Variants in CERS3 observed in about 807,000 individuals in gnomAD.
CERS3 encodes ceramide synthase 3, also known as LAG1 homolog, ceramide synthase 3.
In CERS3, 33 loss-of-function variants were observed where a neutral mutation model predicts 50.3. The observed-to-expected ratio is 0.66, with a 90% confidence interval of 0.50 to 0.88. The LOEUF (loss-of-function observed/expected upper bound fraction) is 0.88. Among genes scored for constraint, CERS3 ranks in the 40% least tolerant of loss-of-function variants. The pLI is 0.00. For missense variants in CERS3, 470 were observed against 460.3 expected, an observed-to-expected ratio of 1.02 and a Z score of -0.19; for synonymous variants, 176 against 155.2, an observed-to-expected ratio of 1.13 and a Z score of -0.99.
At chr15:100,540,148 G>A (rs773908867) in intron 1 of CERS3, among the ~76,000 whole-genome samples, 2 of 152,150 alleles carry the variant, frequency 1.3e-5, no homozygotes, top group African/African-American at 2.4e-5. Flanking sequence ...CCCTTTGGTT[G>A]AGCCCACTGG....
chr15:100,440,105 C>A (rs2033612865), intron 11 of CERS3, among the ~76,000 whole-genome samples: 1 of 152,206 alleles, frequency 6.6e-6, no homozygotes, highest in Admixed American at 6.5e-5. Context: ...GGGACAGGAG[C>A]TTCTGGAAGG....
chr15:100,481,596 C>A (rs377267480), intron 5 of CERS3, among the ~76,000 whole-genome samples: 1 of 152,256 alleles, frequency 6.6e-6, no homozygotes, highest in Non-Finnish European at 1.5e-5. Flanking sequence ...CACGGTGCTG[C>A]GCACACATGC....
chr15:100,423,020 G>A (rs931138971), intron 11 of CERS3, among the ~76,000 whole-genome samples: 1 of 150,474 alleles, frequency 6.6e-6, no homozygotes, highest in Non-Finnish European at 1.5e-5. Flanking sequence ...ACACCAGCAT[G>A]GCACATGTAT....
intron 11 of CERS3, among the ~76,000 whole-genome samples, chr15:100,404,391 A>T (rs1427626560): frequency 2.0e-5 from 3 of 152,248 alleles, no homozygotes; most frequent in Non-Finnish European, 4.4e-5. Flanking sequence ...CTAGGTATAC[A>T]TCTAACAAAC....
intron 11 of CERS3, among the ~76,000 whole-genome samples, chr15:100,418,581 C>G (rs1289762878): frequency 7.0e-6 from 1 of 143,038 alleles, no homozygotes; most frequent in Non-Finnish European, 1.5e-5. Context: ...ATACAGAGAA[C>G]GCCACAAAGA....
intron 11 of CERS3, among the ~76,000 whole-genome samples, chr15:100,447,281 T>C (rs142319272): frequency 6.6e-6 from 1 of 152,352 alleles, no homozygotes; most frequent in Admixed American, 6.5e-5. Context: ...TCAGCTCTTA[T>C]CTAATGAGTT....
At chr15:100,421,336 G>A (rs1567600845) in intron 11 of CERS3, among the ~76,000 whole-genome samples, 1 of 150,408 alleles carries the variant, frequency 6.6e-6, no homozygotes, top group Admixed American at 6.6e-5. Flanking sequence ...ATTCACAATT[G>A]CTTCAAAGAG....
chr15:100,516,165 C>T (rs2036482062), intron 2 of CERS3, among the ~76,000 whole-genome samples: 1 of 152,186 alleles, frequency 6.6e-6, no homozygotes, highest in Non-Finnish European at 1.5e-5. Context: ...TTCCCATCAA[C>T]TCATCCGGTT....
At chr15:100,450,762 C>G (rs2034132062) in intron 11 of CERS3, among the ~76,000 whole-genome samples, 1 of 152,122 alleles carries the variant, frequency 6.6e-6, no homozygotes, top group Non-Finnish European at 1.5e-5. Context: ...TATAGTCAAA[C>G]TGTTGGAAGT....
chr15:100,471,450 T>C (rs1236062359), intron 9 of CERS3, among the ~76,000 whole-genome samples: 2 of 152,118 alleles, frequency 1.3e-5, no homozygotes, highest in Non-Finnish European at 2.9e-5. Context: ...ATTCCCAGGG[T>C]GAACATCTAA....
chr15:100,420,581 A>G (rs1414048731), intron 11 of CERS3, among the ~76,000 whole-genome samples: 1 of 152,060 alleles, frequency 6.6e-6, no homozygotes, highest in Non-Finnish European at 1.5e-5. Flanking sequence ...AACTCATTTT[A>G]TGAGGCCAGC....
chr15:100,493,203 C>T (rs1056162687), intron 3 of CERS3, among the ~76,000 whole-genome samples: 1 of 152,182 alleles, frequency 6.6e-6, no homozygotes, highest in Admixed American at 6.5e-5. Flanking sequence ...ACTCTCATTT[C>T]AGTCTGAAGG....
intron 1 of CERS3, among the ~76,000 whole-genome samples, chr15:100,541,910 G>A (rs771772022): frequency 5.3e-5 from 8 of 151,966 alleles, no homozygotes; most frequent in African/African-American, 1.2e-4. Flanking sequence ...TTAAACTCTC[G>A]GCAAGGCCTA....
intron 11 of CERS3, among the ~76,000 whole-genome samples, chr15:100,410,389 A>G (rs1043719576): frequency 3.9e-5 from 6 of 152,210 alleles, no homozygotes; most frequent in Non-Finnish European, 7.3e-5. Context: ...TTGAAATCAC[A>G]GTCACTACAA....
In CERS3 at chr15:100,456,497, C is replaced by T. The variant is rs568121902; in HGVS notation, c.846-451G>A. Reference sequence around the variant, plus strand: ...GAGAATTCTACAAAAGTACATTTTCCAAATAAAAGAAGCTTTAACAAAGCA... The same window carrying T: ...GAGAATTCTACAAAAGTACATTTTCTAAATAAAAGAAGCTTTAACAAAGCA... On this transcript the variant is annotated intron_variant, in intron 10 of 11. Transcript: ENST00000679737. Among the ~76,000 whole-genome samples, 148 of 152,240 alleles carry T rather than the reference C, an allele frequency of 9.7e-4. 2 individuals are homozygous for T. The South Asian group carries it at 0.03, about 31-fold the overall frequency.
At chr15:100,440,251 G>T in intron 11 of CERS3, among the ~76,000 whole-genome samples, 1 of 152,128 alleles carries the variant, frequency 6.6e-6, no homozygotes, top group East Asian at 1.9e-4. Context: ...TCAGAGATAA[G>T]ACAACTGTCA....
At chr15:100,408,099 T>C (rs1177501259) in intron 11 of CERS3, among the ~76,000 whole-genome samples, 1 of 152,158 alleles carries the variant, frequency 6.6e-6, no homozygotes, top group Non-Finnish European at 1.5e-5. Context: ...CTTGAACTCC[T>C]GACCTCAAGT....
At chr15:100,504,239 CTTTTTTTTTTTT>C (rs55640205) in intron 2 of CERS3, among the ~76,000 whole-genome samples, 1 of 109,984 alleles carries the variant, frequency 9.1e-6, no homozygotes, top group South Asian at 3.2e-4. Context: ...TTGGACTATT[CTTTTTTTTTTTT>C]TTTTTTTTTG....
chr15:100,473,209 G>T lies in CERS3; in HGVS notation c.610-157C>A, dbSNP rs55948136. ...CTTCCTAAACACAATCTTTGTGAGG[G>T]AGCTAAGACATGTATTATTCTTGTT... is the stretch of plus-strand genomic sequence containing the variant. On this transcript the variant is annotated intron_variant, in intron 8 of 11. Coordinates refer to ENST00000679737, the MANE Select transcript of CERS3 (RefSeq NM_001378789.1). Among the ~76,000 whole-genome samples, 1,402 of 152,188 alleles carry T rather than the reference G, an allele frequency of 9.2e-3. 28 individuals are homozygous for T. The highest frequency in any genetic ancestry group is 0.032 in the African/African-American group (1,321 of 41,512).
Sources: gnomAD v4.1 joint callset for allele counts (sites outside exome capture counted in the v4.1 genomes callset) on GRCh38, gnomAD v4.1.1 for gene constraint, MANE v1.5 for transcripts, NCBI Gene and HGNC (gene_info 2026-07-23, HGNC 2026-07-21) for gene names.